Variants in RBFOX1 observed in about 807,000 individuals in gnomAD.
RBFOX1 encodes the protein RNA binding fox-1 homolog 1.
A neutral mutation model predicts 57.7 loss-of-function variants in RBFOX1; 8 were observed. That is an observed-to-expected ratio of 0.14 (90% CI 0.08 to 0.25). The LOEUF is 0.25. RBFOX1 is among the 10% of genes least tolerant of loss of function. The probability of loss-of-function intolerance (pLI) is 1.00; values close to 1 mark genes in which losing one functional copy is unlikely to be tolerated. For synonymous variants in RBFOX1, 326 were observed against 222.4 expected, an observed-to-expected ratio of 1.47 and a Z score of -4.15; for missense variants, 611 against 548.5, an observed-to-expected ratio of 1.11 and a Z score of -1.14.
intron 1 of RBFOX1, among the ~76,000 whole-genome samples, chr16:6,267,374 T>G (rs1226421147): frequency 6.6e-6 from 1 of 152,220 alleles, no homozygotes. Flanking sequence ...AACCCCGATT[T>G]CACTATCTCC....
intron 1 of RBFOX1, among the ~76,000 whole-genome samples, chr16:5,296,678 C>T (rs549710053): frequency 4.0e-5 from 6 of 150,204 alleles, no homozygotes; most frequent in Non-Finnish European, 7.4e-5. Context: ...TTTCTCTGAG[C>T]TAAACTTTTT....
At chr16:6,296,804 G>A (rs2078170052) in intron 1 of RBFOX1, among the ~76,000 whole-genome samples, 1 of 152,166 alleles carries the variant, frequency 6.6e-6, no homozygotes, top group African/African-American at 2.4e-5. Flanking sequence ...GGAAGTCCAT[G>A]CATGTGTTAC....
intron 3 of RBFOX1, among the ~76,000 whole-genome samples, chr16:6,846,107 A>C (rs1281332766): frequency 6.6e-6 from 1 of 151,954 alleles, no homozygotes; most frequent in East Asian, 1.9e-4. Flanking sequence ...ATATAGGTAT[A>C]GTCTTTGTTT....
intron 3 of RBFOX1, among the ~76,000 whole-genome samples, chr16:6,745,222 T>C (rs1044308633): frequency 2.0e-5 from 3 of 152,106 alleles, no homozygotes; most frequent in Admixed American, 6.5e-5. Context: ...CAAGCCCAGA[T>C]GACTTTGTTA....
chr16:7,577,921 C>G (rs1049099002), intron 5 of RBFOX1, among the ~76,000 whole-genome samples: 3 of 152,286 alleles, frequency 2.0e-5, no homozygotes, highest in African/African-American at 7.2e-5. Context: ...AAGACAATGA[C>G]AAAATGATTC....
At chr16:7,085,981 T>A (rs1005866338) in intron 4 of RBFOX1, among the ~76,000 whole-genome samples, 5 of 152,134 alleles carry the variant, frequency 3.3e-5, no homozygotes, top group African/African-American at 1.2e-4. Flanking sequence ...ATGTGCCTGA[T>A]TGAGAACTTG....
chr16:5,406,132 T>A (rs1443709190), intron 1 of RBFOX1, among the ~76,000 whole-genome samples: 1 of 152,224 alleles, frequency 6.6e-6, no homozygotes, highest in Non-Finnish European at 1.5e-5. Flanking sequence ...ATTTATTCAT[T>A]CATGTAGTGT....
At chr16:5,272,541 G>A (rs1400622729) in intron 1 of RBFOX1, among the ~76,000 whole-genome samples, 2 of 152,134 alleles carry the variant, frequency 1.3e-5, no homozygotes, top group African/African-American at 4.8e-5. Context: ...ATCCTCCAGG[G>A]CCGACAAGTT....
intron 3 of RBFOX1, among the ~76,000 whole-genome samples, chr16:6,818,107 TC>T (rs2090499938): frequency 6.6e-6 from 1 of 152,192 alleles, no homozygotes; most frequent in Non-Finnish European, 1.5e-5. Context: ...TTTCAGATTT[TC>T]CACCCCTCCC....
chr16:6,231,239 G>GGTATGTGTGT lies in RBFOX1; in HGVS notation c.-126-85754_-126-85753insATGTGTGTGT, dbSNP rs113555714. Among the ~76,000 whole-genome samples the GGTATGTGTGT allele has an allele frequency of 4.7e-5, 7 of 149,346 alleles. 1 individual carries two copies. Among genetic ancestry groups the GGTATGTGTGT allele is most frequent in the African/African-American group, 1.7e-4 (7 of 40,614 alleles). On this transcript the variant is annotated intron_variant, in intron 1 of 15. Transcript: ENST00000550418. Reference sequence around the variant, plus strand: ...GTTTGTGTGTGTGTGTGTGTGTGTAGGTGTGTGTGTGTGTGTGTGTTCCTT... The same window carrying GGTATGTGTGT: ...GTTTGTGTGTGTGTGTGTGTGTGTAGGTATGTGTGTGTGTGTGTGTGTGTGTGTGTTCCTT...
At chr16:5,937,944 G>A (rs1179030666) in intron 4 of RBFOX1, among the ~76,000 whole-genome samples, 1 of 151,938 alleles carries the variant, frequency 6.6e-6, no homozygotes, top group Non-Finnish European at 1.5e-5. Flanking sequence ...TGTTACAACA[G>A]GAGTAACATC....
At chr16:6,782,127 C>T (rs2081126469) in intron 3 of RBFOX1, among the ~76,000 whole-genome samples, 1 of 152,156 alleles carries the variant, frequency 6.6e-6, no homozygotes, top group Non-Finnish European at 1.5e-5. Context: ...CTGCCTCAGC[C>T]TCCCGAGTAG....
In RBFOX1 at chr16:6,855,220, C is replaced by T. The variant is rs557730172; in HGVS notation, c.-15-196837C>T. ...ATATAGTACCTGGCAAAATGATAAG[C>T]ATGCAGTGAACATATGCATGAGGAA... On this transcript the variant is annotated intron_variant, in intron 3 of 15. Coordinates refer to ENST00000550418, the MANE Select transcript of RBFOX1 (RefSeq NM_018723.4). Among the ~76,000 whole-genome samples, 40 of 151,936 alleles carry T rather than the reference C, an allele frequency of 2.6e-4. No individual in the cohort carries two copies. In the East Asian group the frequency reaches 5.2e-3, roughly 20 times the overall value.
chr16:5,841,073 G>T (rs2056609355), intron 3 of RBFOX1, among the ~76,000 whole-genome samples: 1 of 152,168 alleles, frequency 6.6e-6, no homozygotes, highest in South Asian at 2.1e-4. Flanking sequence ...TGGAGCTGAG[G>T]GTCCTGGGAA....
At chr16:5,756,895 A>G (rs1287487175) in intron 3 of RBFOX1, among the ~76,000 whole-genome samples, 1 of 152,204 alleles carries the variant, frequency 6.6e-6, no homozygotes, top group Admixed American at 6.5e-5. Flanking sequence ...ATTTGTATAA[A>G]AAATATAAGG....
chr16:7,686,393 T>C (rs2076073938), intron 14 of RBFOX1, among the ~76,000 whole-genome samples: 1 of 152,082 alleles, frequency 6.6e-6, no homozygotes, highest in Non-Finnish European at 1.5e-5. Context: ...TGTTATCTTT[T>C]CTGCTCATGG....
intron 1 of RBFOX1, among the ~76,000 whole-genome samples, chr16:5,426,597 G>A (rs538262916): frequency 6.6e-6 from 1 of 152,268 alleles, no homozygotes; most frequent in East Asian, 1.9e-4. Flanking sequence ...GGAGGAAATG[G>A]CTGTTACCTG....
At chr16:7,049,935 T>A (rs1024083456) in intron 3 of RBFOX1, among the ~76,000 whole-genome samples, 6 of 152,228 alleles carry the variant, frequency 3.9e-5, no homozygotes, top group African/African-American at 1.4e-4. Context: ...TTCACAATGT[T>A]GTGCAAATAT....
At chr16:7,484,087 T>C (rs139700956) in intron 4 of RBFOX1, among the ~76,000 whole-genome samples, 10 of 152,334 alleles carry the variant, frequency 6.6e-5, no homozygotes, top group African/African-American at 2.4e-4. Flanking sequence ...AATCATACTG[T>C]GCAGAGTCTT....
Sources: allele counts gnomAD v4.1 joint callset (sites outside exome capture counted in the v4.1 genomes callset), GRCh38; gene constraint gnomAD v4.1.1; transcripts MANE v1.5; gene names NCBI Gene and HGNC (gene_info 2026-07-23, HGNC 2026-07-21).